ASCC3: variants seen among roughly 807,000 people sequenced by gnomAD.
The protein encoded by ASCC3 is ASC-1 complex subunit P200.
Under a neutral mutation model 256.3 loss-of-function variants are expected in ASCC3, and 158 were observed. The observed-to-expected ratio is 0.62, with a 90% CI of 0.54 to 0.70. ASCC3 has a LOEUF of 0.70. ASCC3 is among the 30% of genes least tolerant of loss of function. The pLI is 0.00. For missense variants in ASCC3, 2,259 were observed against 2,626.0 expected (o/e 0.86, Z 3.05); for synonymous variants, 948 against 883.4 (o/e 1.07, Z -1.30).
At chr6:100,818,484 T>G (rs999763710) in intron 4 of ASCC3, among the ~76,000 whole-genome samples, 53 of 151,028 alleles carry the variant, frequency 3.5e-4, no homozygotes, top group African/African-American at 1.2e-3. Context: ...GGAGAACCGC[T>G]TGAACCCAGG....
intron 10 of ASCC3, among the ~76,000 whole-genome samples, chr6:100,730,381 T>C (rs1475398002): frequency 6.6e-6 from 1 of 152,108 alleles, no homozygotes; most frequent in African/African-American, 2.4e-5. Context: ...TGATAAAATA[T>C]GGTACATTTA....
intron 10 of ASCC3, among the ~76,000 whole-genome samples, chr6:100,757,692 T>C (rs1464944754): frequency 1.3e-5 from 2 of 152,132 alleles, no homozygotes; most frequent in African/African-American, 4.8e-5. Context: ...CTAATAACCC[T>C]AGACAAAATG....
chr6:100,744,818 C>T (rs1329993227), intron 10 of ASCC3, among the ~76,000 whole-genome samples: 25 of 152,240 alleles, frequency 1.6e-4, no homozygotes, highest in Non-Finnish European at 1.0e-4. Flanking sequence ...TTCTGCAAGA[C>T]CCTAGGAAGC....
At chr6:100,617,646 T>C (rs1457825100) in intron 30 of ASCC3, among the ~76,000 whole-genome samples, 3 of 152,190 alleles carry the variant, frequency 2.0e-5, no homozygotes, top group African/African-American at 4.8e-5. Flanking sequence ...GACCTTCAAA[T>C]GATAAACCCC....
At chr6:100,789,786 C>T (rs1562298027) in intron 8 of ASCC3, among the ~76,000 whole-genome samples, 1 of 151,896 alleles carries the variant, frequency 6.6e-6, no homozygotes, top group African/African-American at 2.4e-5. Flanking sequence ...TGTAACAAAA[C>T]ATGATATTGT....
intron 2 of ASCC3, 76 bp downstream of exon 2, chr6:100,867,831 AG>A: frequency 1.6e-6 from 2 of 1,252,210 alleles, no homozygotes; most frequent in Non-Finnish European, 2.3e-6. Context: ...CATAGAATGG[AG>A]AAAAAGAATG....
At chr6:100,522,210 C>T (rs187138383) in intron 37 of ASCC3, among the ~76,000 whole-genome samples, 58 of 152,140 alleles carry the variant, frequency 3.8e-4, no homozygotes, top group Admixed American at 2.2e-3. Flanking sequence ...TGAATGGGGG[C>T]TGACTCTGTG....
At chr6:100,556,477 T>G (rs1769580967) in intron 36 of ASCC3, among the ~76,000 whole-genome samples, 1 of 152,016 alleles carries the variant, frequency 6.6e-6, no homozygotes, top group Non-Finnish European at 1.5e-5. Context: ...CATAAGCAAA[T>G]TTATGAAGCG....
In ASCC3 at chr6:100,800,475, C is replaced by T. The variant is rs1205827845; in HGVS notation, c.952G>A (p.Ala318Thr). ...DNCKKILGENAKPNYGCQVTI... is the reference protein window; with the variant it reads ...DNCKKILGENTKPNYGCQVTI... ...ACTTGACAACCATAATTGGGTTTAG[C>T]ATTTTCTCCTAAAATTTTTTTACAA... The change falls in exon 6 of 42, where the codon GCT becomes ACT. Residue 318 changes from alanine to threonine, a missense_variant. Coordinates refer to ENST00000369162, the MANE Select transcript of ASCC3 (RefSeq NM_006828.4). 1.2e-6 allele frequency: 2 copies of T among 1,611,358 alleles called. No individual in the cohort carries two copies. Among genetic ancestry groups the T allele is most frequent in the East Asian group, 2.2e-5 (1 of 44,740 alleles).
intron 16 of ASCC3, among the ~76,000 whole-genome samples, chr6:100,661,450 A>T (rs1255836656): frequency 6.6e-6 from 1 of 151,782 alleles, no homozygotes; most frequent in Non-Finnish European, 1.5e-5. Context: ...TATAAATTTC[A>T]TTAAACCTTT....
At chr6:100,724,192 A>T (rs1229717961) in intron 11 of ASCC3, among the ~76,000 whole-genome samples, 1 of 150,622 alleles carries the variant, frequency 6.6e-6, no homozygotes, top group African/African-American at 2.4e-5. Flanking sequence ...AGTAACCAGG[A>T]CAGGGTGGGA....
chr6:100,641,826 A>C (rs1775132642), intron 24 of ASCC3, among the ~76,000 whole-genome samples: 1 of 152,186 alleles, frequency 6.6e-6, no homozygotes, highest in Non-Finnish European at 1.5e-5. Flanking sequence ...ATGGAATACT[A>C]TGCAGCCATA....
In ASCC3 at chr6:100,647,422, A is replaced by G; in HGVS notation, c.3282T>C (p.Phe1094=). ...GCCAACGTTTCCTCAGAGCAATTTC[A>G]AAAAGAGCACGGACAATTCTAGCTG... The part of the protein sequence containing the change: ...QNAARIVRAL[F]EIALRKRWPT... Residue 1094 remains phenylalanine (F), a synonymous_variant, in exon 21 of 42, where the codon TTT becomes TTC. Coordinates refer to ENST00000369162, the MANE Select transcript of ASCC3 (RefSeq NM_006828.4). The G allele has an allele frequency of 6.2e-7, 1 of 1,614,044 alleles. No individual in the cohort carries two copies. The highest frequency in any genetic ancestry group is 8.5e-7 in the Non-Finnish European group (1 of 1,179,940).
intron 3 of ASCC3, chr6:100,857,019 CAA>C (rs1018259363): frequency 2.6e-5 from 4 of 152,128 alleles, no homozygotes; most frequent in Non-Finnish European, 2.9e-5. Flanking sequence ...AACAGTTACT[CAA>C]AGTGGTTGTA....
chr6:100,747,545 A>C (rs1206837270), intron 10 of ASCC3, among the ~76,000 whole-genome samples: 1 of 152,138 alleles, frequency 6.6e-6, no homozygotes, highest in Non-Finnish European at 1.5e-5. Context: ...TGATATACTT[A>C]GCAGTACCAA....
intron 36 of ASCC3, among the ~76,000 whole-genome samples, chr6:100,560,817 C>A (rs9497757): frequency 0.087 from 13,105 of 151,002 alleles, 885 homozygotes; most frequent in East Asian, 0.3. Flanking sequence ...CAAGCACATA[C>A]TGTAGGCTAA....
intron 3 of ASCC3, among the ~76,000 whole-genome samples, chr6:100,854,605 C>A (rs1055698193): frequency 6.6e-6 from 1 of 152,100 alleles, no homozygotes; most frequent in African/African-American, 2.4e-5. Context: ...TTAGAAACAG[C>A]CATTTAATTT....
intron 10 of ASCC3, among the ~76,000 whole-genome samples, chr6:100,751,719 T>A (rs1780953153): frequency 6.6e-6 from 1 of 152,134 alleles, no homozygotes; most frequent in South Asian, 2.1e-4. Context: ...GTTGCAGGGT[T>A]TCAGCTTACC....
chr6:100,551,259 C>T (rs921407212), intron 36 of ASCC3, among the ~76,000 whole-genome samples: 1 of 151,958 alleles, frequency 6.6e-6, no homozygotes, highest in Non-Finnish European at 1.5e-5. Context: ...ACATGACTCT[C>T]TGCTTTTATG....
Sources: gnomAD v4.1 joint callset for allele counts (sites outside exome capture counted in the v4.1 genomes callset) on GRCh38, gnomAD v4.1.1 for gene constraint, MANE v1.5 for transcripts, NCBI Gene and HGNC (gene_info 2026-07-23, HGNC 2026-07-21) for gene names.